OR2A1: variants seen among roughly 807,000 people sequenced by gnomAD.
OR2A1 encodes olfactory receptor 2A1/2A42.
For missense variants in OR2A1, 1 was observed against 212.3 expected (o/e 0.00, Z 6.19); for synonymous variants, 2 against 94.7 (o/e 0.02, Z 5.68).
Position 144,318,215 on chromosome 7 carries a change from TC to T in OR2A1, c.94del (p.Leu32CysfsTer66). The T allele has an allele frequency of 1.0e-6, 1 of 960,898 alleles. No homozygotes were observed. The highest frequency in any genetic ancestry group is 1.8e-5 in the African/African-American group (1 of 54,370). The allele number at this position is 960,898 out of a possible 1,614,324, so 59.5% of individuals were successfully genotyped here. A position where few individuals can be genotyped will look rare whatever the true frequency, so the allele number is the denominator to read the frequency against. On this transcript the variant is annotated frameshift_variant, in exon 2 of 2. Coordinates refer to ENST00000641044, the MANE Select transcript of OR2A1 (RefSeq NM_001005287.2). LOFTEE classifies it low-confidence loss of function (END_TRUNC). ...RIQMLLFGLFSLFYIFTLLGN... is the reference protein window; with the variant it reads ...RIQMLLFGLFXLFYIFTLLGN... Reference sequence around the variant, plus strand: ...TCAGATGCTCCTCTTTGGGCTCTTCTCCCTGTTCTATATCTTCACCCTGCTG... The same window carrying T: ...TCAGATGCTCCTCTTTGGGCTCTTCTCCTGTTCTATATCTTCACCCTGCTG...
rs1394494068 is a variant in OR2A1 at position 144,315,925 on chromosome 7, C to G, written c.-4-2196C>G. On this transcript the variant is annotated intron_variant, in intron 1 of 1. Coordinates refer to ENST00000641044, the MANE Select transcript of OR2A1 (RefSeq NM_001005287.2). ...GGCTGAGGGGGAGGATCGCTTGAAT[C>G]TGATATGTCAAAACTACAGTGAGCC... Among the ~76,000 whole-genome samples the G allele has an allele frequency of 4.6e-5, 4 of 86,900 alleles. 1 individual carries two copies. The East Asian group carries it at 1.9e-3, about 42-fold the overall frequency. 57.0% of individuals were successfully genotyped at this position (86,900 alleles called of 152,430 possible).
chr7:144,312,274 C>T (rs1469612216), upstream of OR2A1, among the ~76,000 whole-genome samples: 1 of 77,398 alleles, frequency 1.3e-5, no homozygotes, highest in Non-Finnish European at 2.4e-5. Flanking sequence ...CCAGCTCCTC[C>T]AGTGATCACT....
Position 144,322,443 on chromosome 7 carries a change from G to C in OR2A1, c.*3386G>C, listed in dbSNP as rs1487931977. 6.6e-6 allele frequency: 1 copy of C among 150,850 alleles called. No homozygotes were observed. Among genetic ancestry groups the C allele is most frequent in the Admixed American group, 6.6e-5 (1 of 15,214 alleles). The allele number at this position is 150,850 out of a possible 1,614,324, so 9.3% of individuals were successfully genotyped here. Reference sequence around the variant, plus strand: ...CTGATAATTATTGAGCACTTACTATGTGGTTGGCACTGCATAAAATGCTTT... The same window carrying C: ...CTGATAATTATTGAGCACTTACTATCTGGTTGGCACTGCATAAAATGCTTT... On this transcript the variant is annotated 3_prime_UTR_variant, in exon 2 of 2. Coordinates refer to ENST00000641044, the MANE Select transcript of OR2A1 (RefSeq NM_001005287.2).
chr7:144,319,178 AT>A lies in OR2A1; in HGVS notation c.*123del. Reference sequence around the variant, plus strand: ...AATGAACCAAGAGACTCTGCAAAGCATTCCTTTTTCCTGCCTGGGAAGTATT... The same window carrying A: ...AATGAACCAAGAGACTCTGCAAAGCATCCTTTTTCCTGCCTGGGAAGTATT... On this transcript the variant is annotated 3_prime_UTR_variant, in exon 2 of 2. Transcript: ENST00000641044. The A allele has an allele frequency of 1.9e-6, 1 of 513,510 alleles. No homozygotes were observed. The highest frequency in any genetic ancestry group is 2.1e-5 in the South Asian group (1 of 46,540). The allele number at this position is 513,510 out of a possible 1,614,324, so 31.8% of individuals were successfully genotyped here. A position where few individuals can be genotyped will look rare whatever the true frequency, so the allele number is the denominator to read the frequency against.
Position 144,321,858 on chromosome 7 carries a change from A to G in OR2A1, c.*2801A>G, listed in dbSNP as rs554109935. The G allele has an allele frequency of 2.1e-5, 3 of 145,586 alleles. No individual in the cohort carries two copies. Among genetic ancestry groups the G allele is most frequent in the African/African-American group, 5.3e-5 (2 of 37,816 alleles). 9.0% of individuals were successfully genotyped at this position (145,586 alleles called of 1,614,324 possible). On this transcript the variant is annotated 3_prime_UTR_variant, in exon 2 of 2. Transcript: ENST00000641044. ...CTAAACTTTCTGATCTGGAACCAAA[A>G]TTGCTCTTTAAACAGGAAGAGCATT...
chr7:144,313,406 G>T lies in OR2A1; in HGVS notation c.-5+859G>T, dbSNP rs575669713. Among the ~76,000 whole-genome samples, 27 of 51,102 alleles carry T rather than the reference G, an allele frequency of 5.3e-4. 1 individual carries two copies. The highest frequency in any genetic ancestry group is 4.8e-3 in the African/African-American group (27 of 5,624). 33.5% of individuals were successfully genotyped at this position (51,102 alleles called of 152,430 possible). Reference sequence around the variant, plus strand: ...TAAATATCATTTTTTGGTTTTTTTTGTTGTTGTTTGTTTTTTTACCATCTT... The same window carrying T: ...TAAATATCATTTTTTGGTTTTTTTTTTTGTTGTTTGTTTTTTTACCATCTT... On this transcript the variant is annotated intron_variant, in intron 1 of 1. Transcript: ENST00000641044.
rs1388381441 is a variant in OR2A1 at position 144,322,488 on chromosome 7, A to T, written c.*3431A>T. The T allele has an allele frequency of 6.6e-6, 1 of 150,826 alleles. No homozygotes were observed. Among genetic ancestry groups the T allele is most frequent in the Non-Finnish European group, 1.5e-5 (1 of 67,740 alleles). 9.3% of individuals were successfully genotyped at this position (150,826 alleles called of 1,614,324 possible). Reference sequence around the variant, plus strand: ...TGCTTTAGAAAAATTCTTACATCAAATATGTGGAGTAGGTACTAATACTAT... The same window carrying T: ...TGCTTTAGAAAAATTCTTACATCAATTATGTGGAGTAGGTACTAATACTAT... On this transcript the variant is annotated 3_prime_UTR_variant, in exon 2 of 2. Transcript: ENST00000641044.
chr7:144,312,089 C>G (rs1456101698), upstream of OR2A1: 2 of 101,680 alleles, frequency 2.0e-5, no homozygotes, highest in Non-Finnish European at 4.0e-5. Flanking sequence ...TGCTGGGATT[C>G]ATGAAATCCA....
chr7:144,313,409 G>GTTGT lies in OR2A1; in HGVS notation c.-5+869_-5+872dup, dbSNP rs141136175. Among the ~76,000 whole-genome samples the GTTGT allele has an allele frequency of 4.2e-3, 198 of 47,622 alleles. 60 individuals carry two copies. The East Asian group carries it at 0.24, about 58-fold the overall frequency. The allele number at this position is 47,622 out of a possible 152,430, so 31.2% of individuals were successfully genotyped here. A position where few individuals can be genotyped will look rare whatever the true frequency, so the allele number is the denominator to read the frequency against. Reference sequence around the variant, plus strand: ...ATATCATTTTTTGGTTTTTTTTGTTGTTGTTTGTTTTTTTACCATCTTTGG... The same window carrying GTTGT: ...ATATCATTTTTTGGTTTTTTTTGTTGTTGTTTGTTTGTTTTTTTACCATCTTTGG... On this transcript the variant is annotated intron_variant, in intron 1 of 1. Transcript: ENST00000641044.
At position 144,322,691 on chromosome 7, in the gene OR2A1, G is replaced by A. The variant is rs1243397100; in HGVS notation, c.*3634G>A. ...TTCATCTCCTGAATGGTTGGCAACAGGCCTGTTCATAGTAGACACACAATA... is the reference window on the plus strand; with the variant it reads ...TTCATCTCCTGAATGGTTGGCAACAAGCCTGTTCATAGTAGACACACAATA... On this transcript the variant is annotated 3_prime_UTR_variant, in exon 2 of 2. Transcript: ENST00000641044. The A allele has an allele frequency of 1.3e-5, 2 of 150,170 alleles. No homozygotes were observed. Among genetic ancestry groups the A allele is most frequent in the Admixed American group, 6.6e-5 (1 of 15,182 alleles). 9.3% of individuals were successfully genotyped at this position (150,170 alleles called of 1,614,324 possible). A position where few individuals can be genotyped will look rare whatever the true frequency, so the allele number is the denominator to read the frequency against.
rs2053180605 is a variant in OR2A1, at chr7:144,322,594, A to T, written c.*3537A>T. ...GTCGCCAAATCATTCAGTGGTAGAA[A>T]CATGAATCAAGACCAGGCAGTCTGA... On this transcript the variant is annotated 3_prime_UTR_variant, in exon 2 of 2. Coordinates refer to ENST00000641044, the MANE Select transcript of OR2A1 (RefSeq NM_001005287.2). 2 of 150,406 alleles carry T rather than the reference A, an allele frequency of 1.3e-5. No individual in the cohort carries two copies. The highest frequency in any genetic ancestry group is 3.0e-5 in the Non-Finnish European group (2 of 67,676). The allele number at this position is 150,406 out of a possible 1,614,324, so 9.3% of individuals were successfully genotyped here.
At chr7:144,315,355 G>A (rs2053062914) in intron 1 of OR2A1, among the ~76,000 whole-genome samples, 1 of 55,726 alleles carries the variant, frequency 1.8e-5, no homozygotes, top group South Asian at 4.5e-4. Flanking sequence ...GTCAAAGGAT[G>A]GTTAAAAAAA....
Position 144,319,338 on chromosome 7 carries a change from TAGTC to T in OR2A1, c.*284_*287del. On this transcript the variant is annotated 3_prime_UTR_variant, in exon 2 of 2. Coordinates refer to ENST00000641044, the MANE Select transcript of OR2A1 (RefSeq NM_001005287.2). ...TAAAACAGACACTCCACCTGTGACTTAGTCAGGTATGCTCAGTAGTAGAGGAATA... is the reference window on the plus strand; with the variant it reads ...TAAAACAGACACTCCACCTGTGACTTAGGTATGCTCAGTAGTAGAGGAATA... 2.0e-6 allele frequency: 1 copy of T among 494,924 alleles called. No homozygotes were observed. Among genetic ancestry groups the T allele is most frequent in the South Asian group, 2.2e-5 (1 of 45,728 alleles). The allele number at this position is 494,924 out of a possible 1,614,324, so 30.7% of individuals were successfully genotyped here.
Position 144,313,237 on chromosome 7 carries a change from C to G in OR2A1, c.-5+690C>G, listed in dbSNP as rs1331239233. ...GGAGAGTTCATTAATGTTTTGCTTT[C>G]TCATATTTAATCAAATTGATATCTA... On this transcript the variant is annotated intron_variant, in intron 1 of 1. Coordinates refer to ENST00000641044, the MANE Select transcript of OR2A1 (RefSeq NM_001005287.2). Among the ~76,000 whole-genome samples, 4 of 102,068 alleles carry G rather than the reference C, an allele frequency of 3.9e-5. 1 individual carries two copies. Among genetic ancestry groups the G allele is most frequent in the Admixed American group, 1.3e-4 (1 of 7,780 alleles). The allele number at this position is 102,068 out of a possible 152,430, so 67.0% of individuals were successfully genotyped here. A position where few individuals can be genotyped will look rare whatever the true frequency, so the allele number is the denominator to read the frequency against.
rs1207360632 is a variant in OR2A1 at position 144,322,318 on chromosome 7, C to T, written c.*3261C>T. On this transcript the variant is annotated 3_prime_UTR_variant, in exon 2 of 2. Transcript: ENST00000641044. The stretch of plus-strand genomic sequence containing the variant: ...ACATAGAGGACACTTTATCTGTTGA[C>T]CCCATTTCCAAATTTTCAGTGTTGA... 1.3e-5 allele frequency: 2 copies of T among 149,054 alleles called. No individual in the cohort carries two copies. The highest frequency in any genetic ancestry group is 2.5e-5 in the African/African-American group (1 of 39,998). The allele number at this position is 149,054 out of a possible 1,614,324, so 9.2% of individuals were successfully genotyped here. A position where few individuals can be genotyped will look rare whatever the true frequency, so the allele number is the denominator to read the frequency against.
At chr7:144,313,118 C>T (rs2128835549) in intron 1 of OR2A1, among the ~76,000 whole-genome samples, 1 of 93,824 alleles carries the variant, frequency 1.1e-5, no homozygotes, top group Admixed American at 1.5e-4. Flanking sequence ...AATAAATGTG[C>T]ATCTGACCAC....
At chr7:144,313,501 A>G (rs540459821) in intron 1 of OR2A1, among the ~76,000 whole-genome samples, 14 of 136,154 alleles carry the variant, frequency 1.0e-4, no homozygotes, top group African/African-American at 3.8e-4. Flanking sequence ...GAAAGACACT[A>G]CTATTTCTCC....
At chr7:144,316,849 G>GA (rs1455002189) in intron 1 of OR2A1, among the ~76,000 whole-genome samples, 118 of 37,530 alleles carry the variant, frequency 3.1e-3, no homozygotes, top group Non-Finnish European at 5.7e-3. Context: ...ATCCAGAGAA[G>GA]CTTTTTCTTC....
chr7:144,316,356 G>T (rs1334138495), intron 1 of OR2A1, among the ~76,000 whole-genome samples: 1 of 148,568 alleles, frequency 6.7e-6, no homozygotes, highest in Non-Finnish European at 1.5e-5. Flanking sequence ...AAGTTCAGGG[G>T]TACAAATGCA....
Sources: gnomAD v4.1 joint callset for allele counts (sites outside exome capture counted in the v4.1 genomes callset) on GRCh38, gnomAD v4.1.1 for gene constraint, MANE v1.5 for transcripts, NCBI Gene and HGNC (gene_info 2026-07-23, HGNC 2026-07-21) for gene names.